RHBDL3: variants seen among roughly 807,000 people sequenced by gnomAD.
The protein encoded by RHBDL3 is rhomboid-related protein 3.
A neutral mutation model predicts 48.2 loss-of-function variants in RHBDL3; 28 were observed. The observed-to-expected ratio is 0.58, with a 90% confidence interval of 0.43 to 0.80. The LOEUF is 0.80. Among genes scored for constraint, RHBDL3 ranks in the 30% least tolerant of loss-of-function variants. RHBDL3 has a pLI of 0.00. For missense variants in RHBDL3, 464 were observed against 542.7 expected, an observed-to-expected ratio of 0.85 and a Z score of 1.44; for synonymous variants, 208 against 232.3, an observed-to-expected ratio of 0.90 and a Z score of 0.95.
Position 32,305,322 on chromosome 17 carries a change from C to T in RHBDL3, c.782-19C>T, listed in dbSNP as rs765166550. On this transcript the variant is annotated intron_variant, in intron 6 of 8. Coordinates refer to ENST00000269051, the MANE Select transcript of RHBDL3 (RefSeq NM_138328.3). Reference sequence around the variant, plus strand: ...CGAGTCCCGCACTCCTGAGAATTCTCGCTGTCTTTCTGTACTAGGGTCCTT... The same window carrying T: ...CGAGTCCCGCACTCCTGAGAATTCTTGCTGTCTTTCTGTACTAGGGTCCTT... 7.6e-6 allele frequency: 12 copies of T among 1,581,342 alleles called. No individual in the cohort carries two copies. The highest frequency in any genetic ancestry group is 1.7e-4 in the Middle Eastern group (1 of 6,030).
chr17:32,322,970 C>T lies in RHBDL3; in HGVS notation c.*1741C>T, dbSNP rs1270481928. The T allele has an allele frequency of 6.6e-6, 1 of 152,326 alleles. No homozygotes were observed. The highest frequency in any genetic ancestry group is 1.5e-5 in the Non-Finnish European group (1 of 68,120). The allele number at this position is 152,326 out of a possible 1,614,324, so 9.4% of individuals were successfully genotyped here. A position where few individuals can be genotyped will look rare whatever the true frequency, so the allele number is the denominator to read the frequency against. ...AACGGTCTTCCTCCAGCCTGGTGCC[C>T]ATCCTGGCCCTTGAGTGTAGCAGGG... On this transcript the variant is annotated 3_prime_UTR_variant, in exon 9 of 9. Transcript: ENST00000269051.
intron 2 of RHBDL3, among the ~76,000 whole-genome samples, chr17:32,269,375 T>C (rs1366704579): frequency 2.6e-5 from 4 of 151,628 alleles, no homozygotes; most frequent in Admixed American, 2.0e-4. Context: ...CAAGTTGGAG[T>C]GAGGAGAGAC....
intron 2 of RHBDL3, among the ~76,000 whole-genome samples, chr17:32,270,022 A>G (rs1026493224): frequency 3.3e-5 from 5 of 151,826 alleles, no homozygotes; most frequent in Admixed American, 6.6e-5. Flanking sequence ...CCTGCCCAGA[A>G]TTAATTCTAG....
At chr17:32,308,102 C>T (rs115952148) in intron 7 of RHBDL3, among the ~76,000 whole-genome samples, 1 of 152,130 alleles carries the variant, frequency 6.6e-6, no homozygotes, top group African/African-American at 2.4e-5. Flanking sequence ...GCACGTTTGT[C>T]GAGAGAGGTG....
rs1346699693 is a variant in RHBDL3, at chr17:32,321,387, G to A, written c.*158G>A. ...TTGTGTTTAGATTTGGACACACAGT[G>A]GAGACCCTTTTCTGAAAGGCATCTG... On this transcript the variant is annotated 3_prime_UTR_variant, in exon 9 of 9. Coordinates refer to ENST00000269051, the MANE Select transcript of RHBDL3 (RefSeq NM_138328.3). The A allele has an allele frequency of 1.3e-6, 2 of 1,532,486 alleles. No individual in the cohort carries two copies. The highest frequency in any genetic ancestry group is 1.7e-6 in the Non-Finnish European group (2 of 1,143,774). 94.9% of individuals were successfully genotyped at this position (1,532,486 alleles called of 1,614,324 possible).
chr17:32,294,469 T>C (rs1408160588), intron 5 of RHBDL3, 27 bp downstream of exon 5: 19 of 1,594,616 alleles, frequency 1.2e-5, no homozygotes, highest in Admixed American at 5.3e-5. Flanking sequence ...TTTTGCTCTG[T>C]CAAAAGACCC....
At position 32,303,944 on chromosome 17, in the gene RHBDL3, C is replaced by T. The variant is rs573937012; in HGVS notation, c.782-1397C>T. Among the ~76,000 whole-genome samples, 50 of 152,310 alleles carry T rather than the reference C, an allele frequency of 3.3e-4. No homozygotes were observed. The South Asian group carries it at 0.01, about 32-fold the overall frequency. On this transcript the variant is annotated intron_variant, in intron 6 of 8. Coordinates refer to ENST00000269051, the MANE Select transcript of RHBDL3 (RefSeq NM_138328.3). ...GCTAATTGGCTCTTGAGCCCCTGGG[C>T]ATTTTCCAGTGGTAATTTCTGCACA...
At chr17:32,284,461 C>A in intron 2 of RHBDL3, 198 bp from the exon 3 acceptor site, 1 of 545,874 alleles carries the variant, frequency 1.8e-6, no homozygotes, top group Non-Finnish European at 3.2e-6. Flanking sequence ...TTGGGTGATC[C>A]TGAAGGTCTG....
intron 7 of RHBDL3, among the ~76,000 whole-genome samples, chr17:32,309,179 AGTGTGTGTGTGT>A (rs61558385): frequency 0.17 from 26,154 of 149,502 alleles, 2,933 homozygotes; most frequent in African/African-American, 0.32. Flanking sequence ...GAAGGTTTGG[AGTGTGTGTGTGT>A]GTGTGTGTGT....
At chr17:32,284,236 T>TC (rs1432373980) in intron 2 of RHBDL3, 5 of 155,492 alleles carry the variant, frequency 3.2e-5, no homozygotes, top group Non-Finnish European at 4.3e-5. Flanking sequence ...CCCTCTGGCA[T>TC]CCCCCCTGGG....
At chr17:32,293,590 A>AC (rs1016271190) in intron 4 of RHBDL3, among the ~76,000 whole-genome samples, 1 of 151,940 alleles carries the variant, frequency 6.6e-6, no homozygotes, top group African/African-American at 2.4e-5. Flanking sequence ...AAAAAAAAAA[A>AC]AACCCAAAAA....
intron 5 of RHBDL3, among the ~76,000 whole-genome samples, chr17:32,296,287 G>A (rs1379658433): frequency 8.8e-5 from 13 of 148,354 alleles, no homozygotes; most frequent in African/African-American, 2.9e-4. Flanking sequence ...GAAAACCTGG[G>A]ATCCCATATC....
chr17:32,296,490 C>G (rs1210950304), intron 5 of RHBDL3, among the ~76,000 whole-genome samples: 1 of 151,280 alleles, frequency 6.6e-6, no homozygotes, highest in East Asian at 2.0e-4. Context: ...TGCATGCCAC[C>G]ACTCCCAGCT....
chr17:32,281,752 G>T (rs1490206327), intron 2 of RHBDL3, among the ~76,000 whole-genome samples: 1 of 152,196 alleles, frequency 6.6e-6, no homozygotes, highest in Non-Finnish European at 1.5e-5. Flanking sequence ...GCTGTCCGGG[G>T]CTGTTTCCTG....
At chr17:32,305,577 C>T (rs1259036811) in intron 7 of RHBDL3, 136 bp downstream of exon 7, 2 of 670,108 alleles carry the variant, frequency 3.0e-6, no homozygotes, top group African/African-American at 3.6e-5. Flanking sequence ...ACACACTCCT[C>T]ACCCTCTGCA....
At chr17:32,280,110 TG>T (rs1244541647) in intron 2 of RHBDL3, among the ~76,000 whole-genome samples, 2 of 152,186 alleles carry the variant, frequency 1.3e-5, no homozygotes, top group African/African-American at 2.4e-5. Context: ...CCGCTCAGGC[TG>T]AATGTGGACT....
rs56795296 is a variant in RHBDL3, at chr17:32,293,173, A to AGGGG, written c.520-1119_520-1116dup. Among the ~76,000 whole-genome samples the AGGGG allele has an allele frequency of 3.7e-4, 38 of 102,594 alleles. 1 individual carries two copies. Among genetic ancestry groups the AGGGG allele is most frequent in the Middle Eastern group, 5.4e-3 (1 of 186 alleles). The allele number at this position is 102,594 out of a possible 152,430, so 67.3% of individuals were successfully genotyped here. ...ATGGTGGTTGCCAGGGGCTGGAGGGAGGGGGTGGGGCGTCATTGTTCAGTG... is the reference window on the plus strand; with the variant it reads ...ATGGTGGTTGCCAGGGGCTGGAGGGAGGGGGGGGGTGGGGCGTCATTGTTCAGTG... On this transcript the variant is annotated intron_variant, in intron 4 of 8. Transcript: ENST00000269051.
At chr17:32,317,821 G>A (rs1237538332) in intron 8 of RHBDL3, among the ~76,000 whole-genome samples, 3 of 152,142 alleles carry the variant, frequency 2.0e-5, no homozygotes, top group African/African-American at 7.2e-5. Flanking sequence ...GCTGCAGTGT[G>A]GAGAATAGAT....
At chr17:32,284,105 A>G (rs942810243) in intron 2 of RHBDL3, 2 of 144,728 alleles carry the variant, frequency 1.4e-5, no homozygotes, top group Non-Finnish European at 3.0e-5. Context: ...AACAAAAACC[A>G]CAGAGCAGAG....
Sources: gnomAD v4.1 joint callset for allele counts (sites outside exome capture counted in the v4.1 genomes callset) on GRCh38, gnomAD v4.1.1 for gene constraint, MANE v1.5 for transcripts, NCBI Gene and HGNC (gene_info 2026-07-23, HGNC 2026-07-21) for gene names.